Variants in TENM3 observed in about 807,000 individuals in gnomAD.
TENM3 encodes the protein teneurin-3.
In TENM3, 63 loss-of-function variants were observed where a neutral mutation model predicts 255.1. That is an observed-to-expected ratio of 0.25 (90% CI 0.20 to 0.30). TENM3 has a LOEUF of 0.30. Among genes scored for constraint, TENM3 ranks in the 10% least tolerant of loss-of-function variants. The pLI is 1.00. For synonymous variants in TENM3, 1,306 were observed against 1,322.3 expected (o/e 0.99, Z 0.27); for missense variants, 2,929 against 3,461.1 (o/e 0.85, Z 3.86).
At chr4:182,632,563 G>A (rs773508441) in intron 5 of TENM3, among the ~76,000 whole-genome samples, 1 of 152,012 alleles carries the variant, frequency 6.6e-6, no homozygotes, top group East Asian at 1.9e-4. Context: ...CTTTTTGTGT[G>A]TGAATAGCCT....
intron 3 of TENM3, among the ~76,000 whole-genome samples, chr4:182,392,696 G>T (rs935027385): frequency 2.0e-5 from 3 of 152,070 alleles, no homozygotes; most frequent in Admixed American, 6.6e-5. Context: ...AAACAGAGAA[G>T]GAGGCAGGTG....
At chr4:182,455,778 T>C (rs1773828084) in intron 3 of TENM3, among the ~76,000 whole-genome samples, 2 of 152,004 alleles carry the variant, frequency 1.3e-5, no homozygotes. Context: ...GCCAGGCTGG[T>C]CTCGAACTCC....
chr4:182,288,291 A>G (rs994629642), intron 1 of TENM3, among the ~76,000 whole-genome samples: 2 of 151,422 alleles, frequency 1.3e-5, no homozygotes, highest in African/African-American at 2.4e-5. Flanking sequence ...ATTGGTCTCC[A>G]ACTCCTGGAT....
chr4:182,229,437 T>G (rs914860219), intron 1 of TENM3, among the ~76,000 whole-genome samples: 1 of 152,198 alleles, frequency 6.6e-6, no homozygotes, highest in Non-Finnish European at 1.5e-5. Flanking sequence ...ACATAATACC[T>G]TCTATTTATG....
chr4:182,383,467 T>A (rs766922337), intron 3 of TENM3, among the ~76,000 whole-genome samples: 4 of 149,180 alleles, frequency 2.7e-5, no homozygotes, highest in Non-Finnish European at 6.0e-5. Context: ...AAAAACATAT[T>A]TTTATTTATT....
At chr4:181,758,775 G>A in the TENM3 span, among the ~76,000 whole-genome samples, 4 of 152,188 alleles carry the variant, frequency 2.6e-5, no homozygotes, top group Admixed American at 1.3e-4. Flanking sequence ...GCCTCACAAA[G>A]ATATTACATT....
At chr4:182,406,457 T>C (rs1175065874) in intron 3 of TENM3, among the ~76,000 whole-genome samples, 1 of 152,186 alleles carries the variant, frequency 6.6e-6, no homozygotes, top group Admixed American at 6.5e-5. Context: ...TGGTAACTAA[T>C]TGTAAATGTT....
chr4:182,612,768 C>T (rs56412039), intron 4 of TENM3, among the ~76,000 whole-genome samples: 1 of 149,286 alleles, frequency 6.7e-6, no homozygotes, highest in East Asian at 2.0e-4. Context: ...CACACACACA[C>T]AGTGGGAATT....
At chr4:181,993,583 C>G in the TENM3 span, among the ~76,000 whole-genome samples, 2 of 152,122 alleles carry the variant, frequency 1.3e-5, no homozygotes, top group Non-Finnish European at 2.9e-5. Context: ...TCAAAGCATT[C>G]ATAAGAATTA....
the TENM3 span, among the ~76,000 whole-genome samples, chr4:181,655,476 G>C: frequency 4.0e-5 from 6 of 151,298 alleles, no homozygotes; most frequent in Non-Finnish European, 7.4e-5. Flanking sequence ...GGCAATGGGG[G>C]AAACAACTGT....
intron 3 of TENM3, among the ~76,000 whole-genome samples, chr4:182,377,553 A>G (rs1027615023): frequency 2.6e-5 from 4 of 152,074 alleles, no homozygotes; most frequent in Non-Finnish European, 5.9e-5. Context: ...ACCTCAGGTG[A>G]TCCACCCGCC....
chr4:181,549,886 T>G, the TENM3 span, among the ~76,000 whole-genome samples: 1 of 152,324 alleles, frequency 6.6e-6, no homozygotes, highest in African/African-American at 2.4e-5. Context: ...TGAATTTCTC[T>G]GATTCTGGTA....
At chr4:182,664,698 T>C (rs1007092804) in intron 6 of TENM3, among the ~76,000 whole-genome samples, 1 of 152,104 alleles carries the variant, frequency 6.6e-6, no homozygotes, top group African/African-American at 2.4e-5. Flanking sequence ...AGCACATGAA[T>C]GATAGGAAAG....
chr4:181,857,763 C>CA, the TENM3 span, among the ~76,000 whole-genome samples: 104 of 142,358 alleles, frequency 7.3e-4, no homozygotes, highest in East Asian at 8.0e-3. Context: ...TTCCCCCAAA[C>CA]AAAAAAAAAA....
At chr4:181,822,381 A>T in the TENM3 span, among the ~76,000 whole-genome samples, 1 of 152,212 alleles carries the variant, frequency 6.6e-6, no homozygotes, top group African/African-American at 2.4e-5. Flanking sequence ...TTGGTGAAGT[A>T]TTTGCCGTAA....
chr4:181,870,165 A>G, the TENM3 span, among the ~76,000 whole-genome samples: 1 of 152,150 alleles, frequency 6.6e-6, no homozygotes, highest in Non-Finnish European at 1.5e-5. Context: ...GTAGTCATAC[A>G]TTTATTTTTT....
the TENM3 span, among the ~76,000 whole-genome samples, chr4:182,070,847 T>C: frequency 1.1e-4 from 16 of 152,292 alleles, no homozygotes; most frequent in South Asian, 3.3e-3. Flanking sequence ...TTGCTACAAT[T>C]TGGGGGTACC....
rs925863767 is a variant in TENM3, at chr4:182,293,563, C to T, written c.-75-30383C>T. 2.0e-5 allele frequency among the ~76,000 whole-genome samples: 3 copies of T among 152,144 alleles called. No homozygotes were observed. The East Asian group carries it at 5.8e-4, about 29-fold the overall frequency. On this transcript the variant is annotated intron_variant, in intron 1 of 27. Coordinates refer to ENST00000511685, the MANE Select transcript of TENM3 (RefSeq NM_001080477.4). ...ACTGAAGAACAATGAAGCTTTCCAC[C>T]TTTCAAAGGAATCCTGATACCTTTA... is the stretch of plus-strand genomic sequence containing the variant.
At chr4:182,440,114 CTT>C (rs5864784) in intron 3 of TENM3, among the ~76,000 whole-genome samples, 6 of 126,748 alleles carry the variant, frequency 4.7e-5, no homozygotes, top group Non-Finnish European at 3.2e-5. Flanking sequence ...TGGTGGGCAC[CTT>C]TTTTTTTTTT....
Sources: allele counts gnomAD v4.1 joint callset (sites outside exome capture counted in the v4.1 genomes callset), GRCh38; gene constraint gnomAD v4.1.1; transcripts MANE v1.5; gene names NCBI Gene and HGNC (gene_info 2026-07-23, HGNC 2026-07-21).